Variants in TRABD2B observed in about 807,000 individuals in gnomAD.
The protein encoded by TRABD2B is TraB domain containing 2B, also known as metalloprotease TIKI2.
A neutral mutation model predicts 40.1 loss-of-function variants in TRABD2B; 14 were observed. That is an observed-to-expected ratio of 0.35 (90% CI 0.23 to 0.55). TRABD2B has a LOEUF of 0.55. Among genes scored for constraint, TRABD2B ranks in the 20% least tolerant of loss-of-function variants. The pLI, the probability that TRABD2B is intolerant of heterozygous loss-of-function variation, is 0.90. For synonymous variants in TRABD2B, 263 were observed against 277.0 expected, an observed-to-expected ratio of 0.95 and a Z score of 0.50; for missense variants, 541 against 648.6, an observed-to-expected ratio of 0.83 and a Z score of 1.80.
At chr1:47,980,256 A>G (rs1171006266) in intron 2 of TRABD2B, among the ~76,000 whole-genome samples, 1 of 152,214 alleles carries the variant, frequency 6.6e-6, no homozygotes, top group Non-Finnish European at 1.5e-5. Context: ...AACCCAGGAC[A>G]TGCCCACTTG....
At chr1:47,846,033 G>T (rs1645464201) in intron 2 of TRABD2B, among the ~76,000 whole-genome samples, 1 of 152,162 alleles carries the variant, frequency 6.6e-6, no homozygotes, top group Non-Finnish European at 1.5e-5. Context: ...TGCAAAGGGG[G>T]TCTGCGTGAG....
chr1:47,811,956 C>T (rs536588042), intron 2 of TRABD2B, among the ~76,000 whole-genome samples: 1 of 152,326 alleles, frequency 6.6e-6, no homozygotes, highest in Admixed American at 6.5e-5. Flanking sequence ...CATGTGGAGG[C>T]TCATTTATTT....
chr1:47,810,761 T>C (rs907975636), intron 2 of TRABD2B, among the ~76,000 whole-genome samples: 6 of 151,956 alleles, frequency 3.9e-5, no homozygotes, highest in African/African-American at 1.5e-4. Context: ...CTCTAAACCT[T>C]TAGGGGAAGA....
chr1:47,966,488 C>G (rs569593187), intron 2 of TRABD2B, among the ~76,000 whole-genome samples: 1 of 152,316 alleles, frequency 6.6e-6, no homozygotes, highest in East Asian at 1.9e-4. Context: ...GAGTACATGA[C>G]AGAAACTGGT....
Position 47,846,855 on chromosome 1 carries a change from C to CATAT in TRABD2B, c.667-45237_667-45236insATAT, listed in dbSNP as rs200811062. On this transcript the variant is annotated intron_variant, in intron 2 of 6. Coordinates refer to ENST00000606738, the MANE Select transcript of TRABD2B (RefSeq NM_001194986.2). The stretch of plus-strand genomic sequence containing the variant: ...GCAGGCCAGGTTAAGTTAAAACATG[C>CATAT]ATACACACACACACACACACACACA... Among the ~76,000 whole-genome samples, 246 of 130,386 alleles carry CATAT rather than the reference C, an allele frequency of 1.9e-3. 2 individuals are homozygous for CATAT. The highest frequency in any genetic ancestry group is 2.8e-3 in the Non-Finnish European group (169 of 61,016). 85.5% of individuals were successfully genotyped at this position (130,386 alleles called of 152,430 possible).
intron 6 of TRABD2B, among the ~76,000 whole-genome samples, chr1:47,774,230 G>C (rs934017263): frequency 6.6e-6 from 1 of 152,160 alleles, no homozygotes; most frequent in Non-Finnish European, 1.5e-5. Flanking sequence ...GGTTTCGGGG[G>C]AAAATCCTGG....
chr1:47,898,991 C>G (rs1354395069), intron 2 of TRABD2B, among the ~76,000 whole-genome samples: 1 of 152,228 alleles, frequency 6.6e-6, no homozygotes, highest in Non-Finnish European at 1.5e-5. Context: ...GCCTTCACCA[C>G]CTACATGTAT....
chr1:47,841,608 T>C (rs571726109), intron 2 of TRABD2B, among the ~76,000 whole-genome samples: 3 of 151,862 alleles, frequency 2.0e-5, no homozygotes, highest in African/African-American at 7.2e-5. Flanking sequence ...CACAGCCCGG[T>C]GGGAATCATG....
At chr1:47,933,206 C>T (rs750187315) in intron 2 of TRABD2B, among the ~76,000 whole-genome samples, 26 of 151,762 alleles carry the variant, frequency 1.7e-4, no homozygotes, top group Admixed American at 1.4e-3. Context: ...CCTGAGTTCA[C>T]GCCATTCTCC....
chr1:47,772,789 T>C (rs1273399785), intron 6 of TRABD2B, among the ~76,000 whole-genome samples: 3 of 152,152 alleles, frequency 2.0e-5, no homozygotes, highest in Non-Finnish European at 4.4e-5. Flanking sequence ...GCCCTGCACC[T>C]GGGCCTCTCA....
At chr1:47,775,594 G>A (rs1025034198) in intron 5 of TRABD2B, among the ~76,000 whole-genome samples, 155 bp from the exon 6 acceptor site, 4 of 152,246 alleles carry the variant, frequency 2.6e-5, no homozygotes, top group Non-Finnish European at 4.4e-5. Flanking sequence ...GGAAAACCTC[G>A]TCTGGTGCTG....
intron 6 of TRABD2B, among the ~76,000 whole-genome samples, chr1:47,768,332 G>GC (rs1470619810): frequency 4.8e-5 from 1 of 20,882 alleles, no homozygotes; most frequent in Non-Finnish European, 9.5e-5. Flanking sequence ...TGTGGAAGTG[G>GC]GGGGGGAGGG....
intron 2 of TRABD2B, among the ~76,000 whole-genome samples, chr1:47,822,501 ATT>A (rs35317865): frequency 0.68 from 103,539 of 151,732 alleles, 35,606 homozygotes; most frequent in South Asian, 0.83. Context: ...GTGGAATCAA[ATT>A]TTCTGGCTTT....
chr1:47,928,052 A>T (rs1644993043), intron 2 of TRABD2B, among the ~76,000 whole-genome samples: 1 of 152,178 alleles, frequency 6.6e-6, no homozygotes, highest in African/African-American at 2.4e-5. Context: ...TTTTAACAAG[A>T]TCCTCAAGTG....
chr1:47,927,384 G>A (rs1644983480), intron 2 of TRABD2B, among the ~76,000 whole-genome samples: 1 of 152,172 alleles, frequency 6.6e-6, no homozygotes, highest in African/African-American at 2.4e-5. Flanking sequence ...AAGCCAACAA[G>A]CCCAAAGCCA....
At chr1:47,923,958 A>AT (rs1644937983) in intron 2 of TRABD2B, among the ~76,000 whole-genome samples, 1 of 115,730 alleles carries the variant, frequency 8.6e-6, no homozygotes, top group South Asian at 2.6e-4. Flanking sequence ...ACACACACAC[A>AT]CACACACACA....
chr1:47,782,234 T>C (rs1375737954), intron 4 of TRABD2B, among the ~76,000 whole-genome samples: 1 of 152,212 alleles, frequency 6.6e-6, no homozygotes, highest in Non-Finnish European at 1.5e-5. Context: ...TCAACCTAAA[T>C]AGGTCCTATC....
intron 2 of TRABD2B, among the ~76,000 whole-genome samples, chr1:47,876,395 GTC>G (rs1644226188): frequency 6.6e-6 from 1 of 152,196 alleles, no homozygotes; most frequent in South Asian, 2.1e-4. Flanking sequence ...AACCATAACT[GTC>G]TCTGACTCCT....
At chr1:47,811,773 G>A (rs1157682170) in intron 2 of TRABD2B, among the ~76,000 whole-genome samples, 2 of 152,188 alleles carry the variant, frequency 1.3e-5, no homozygotes, top group Non-Finnish European at 2.9e-5. Flanking sequence ...GGTGCTGTGG[G>A]CTCTGACCCA....
Sources: allele counts gnomAD v4.1 joint callset (sites outside exome capture counted in the v4.1 genomes callset), GRCh38; gene constraint gnomAD v4.1.1; transcripts MANE v1.5; gene names NCBI Gene and HGNC (gene_info 2026-07-23, HGNC 2026-07-21).